Variants in SMC4 observed in about 807,000 individuals in gnomAD.
SMC4 encodes structural maintenance of chromosomes protein 4.
In SMC4, 87 loss-of-function variants were observed where a neutral mutation model predicts 145.6. The observed-to-expected ratio is 0.60, with a 90% CI of 0.50 to 0.71. The LOEUF (loss-of-function observed/expected upper bound fraction) is 0.71, where lower values mean the gene tolerates loss of function less well. Ranked by LOEUF, SMC4 falls within the 30% of genes least tolerant of loss-of-function variation. The pLI is 0.00. For missense variants in SMC4, 1,447 were observed against 1,537.1 expected, an observed-to-expected ratio of 0.94 and a Z score of 0.98; for synonymous variants, 558 against 500.7, an observed-to-expected ratio of 1.11 and a Z score of -1.53.
rs1177286980 is a variant in SMC4, at chr3:160,413,945, T to A, written c.1121+332T>A. ...ATTTGGGTTTTTCTAGATAGATTTT[T>A]AAGGGTTTTATCATGTCCCTACTTG... On this transcript the variant is annotated intron_variant, in intron 8 of 23. Coordinates refer to ENST00000357388, the MANE Select transcript of SMC4 (RefSeq NM_001002800.3). The A allele has an allele frequency of 9.9e-6, 3 of 303,910 alleles. No homozygotes were observed. The East Asian group carries it at 3.3e-4, about 33-fold the overall frequency. 18.8% of individuals were successfully genotyped at this position (303,910 alleles called of 1,614,324 possible). A position where few individuals can be genotyped will look rare whatever the true frequency, so the allele number is the denominator to read the frequency against.
rs763014255 is a variant in SMC4, at chr3:160,417,781, T to G, written c.1496T>G (p.Met499Arg). 8.4e-5 allele frequency: 135 copies of G among 1,613,406 alleles called. No homozygotes were observed. Among genetic ancestry groups the G allele is most frequent in the Non-Finnish European group, 1.0e-4 (122 of 1,179,828 alleles). The change falls in exon 11 of 24, where the codon ATG (methionine) becomes AGG (arginine). Residue 499 changes from methionine to arginine, a missense_variant. Met to Arg is a moderately conservative substitution (Grantham distance 91). Transcript: ENST00000357388. ...TCGGTAAATGAAGCACGTTCAAAGA[T>G]GGATGTAGCCCAGTCAGAACTTGAT... ...SKSVNEARSK[M>R]DVAQSELDIY...
In SMC4 at chr3:160,434,477, A is replaced by G. The variant is rs1678609366; in HGVS notation, c.*668A>G. 1 of 152,198 alleles carries G rather than the reference A, an allele frequency of 6.6e-6. No individual in the cohort carries two copies. The highest frequency in any genetic ancestry group is 6.5e-5 in the Admixed American group (1 of 15,280). The allele number at this position is 152,198 out of a possible 1,614,324, so 9.4% of individuals were successfully genotyped here. A position where few individuals can be genotyped will look rare whatever the true frequency, so the allele number is the denominator to read the frequency against. On this transcript the variant is annotated 3_prime_UTR_variant, in exon 24 of 24. Coordinates refer to ENST00000357388, the MANE Select transcript of SMC4 (RefSeq NM_001002800.3). ...ATGGCCTCTGATTTACACTGGTTCA[A>G]TTTACAAATTTTCAACTTTATGATA...
chr3:160,402,728 A>G lies in SMC4; in HGVS notation c.371A>G (p.Asp124Gly). 6.2e-7 allele frequency: 1 copy of G among 1,612,412 alleles called. No homozygotes were observed. The highest frequency in any genetic ancestry group is 8.5e-7 in the Non-Finnish European group (1 of 1,179,634). Residue 124 changes from aspartate (D) to glycine (G), a missense_variant, in exon 4 of 24, where the codon GAT becomes GGT. Physicochemically the swap from Asp to Gly is moderately conservative, Grantham distance 94. Transcript: ENST00000357388. Reference sequence around the variant, plus strand: ...GGCAGTGGCAAATCCAATGTTATTGATTCTATGCTTTTTGTGTTTGGCTAT... The same window carrying G: ...GGCAGTGGCAAATCCAATGTTATTGGTTCTATGCTTTTTGTGTTTGGCTAT... ...PNGSGKSNVI[D>G]SMLFVFGYRA...
At position 160,434,355 on chromosome 3, in the gene SMC4, A is replaced by T. The variant is rs1718752779; in HGVS notation, c.*546A>T. On this transcript the variant is annotated 3_prime_UTR_variant, in exon 24 of 24. Transcript: ENST00000357388. Reference sequence around the variant, plus strand: ...TTTGACCATTTATGACTTAATTACCAGAGAGCCAGTAAATTAGGACAGTGT... The same window carrying T: ...TTTGACCATTTATGACTTAATTACCTGAGAGCCAGTAAATTAGGACAGTGT... 1 of 152,288 alleles carries T rather than the reference A, an allele frequency of 6.6e-6. No homozygotes were observed. Among genetic ancestry groups the T allele is most frequent in the Admixed American group, 6.5e-5 (1 of 15,274 alleles). 9.4% of individuals were successfully genotyped at this position (152,288 alleles called of 1,614,324 possible).
chr3:160,426,612 T>C (rs1281911556), intron 17 of SMC4, among the ~76,000 whole-genome samples: 1 of 152,076 alleles, frequency 6.6e-6, no homozygotes, highest in African/African-American at 2.4e-5. Flanking sequence ...TATATATATG[T>C]ATTTTTTTTC....
At position 160,402,672 on chromosome 3, in the gene SMC4, G is replaced by A. The variant is rs1431764995; in HGVS notation, c.319-4G>A. The A allele has an allele frequency of 1.3e-6, 2 of 1,597,660 alleles. No homozygotes were observed. The highest frequency in any genetic ancestry group is 1.7e-6 in the Non-Finnish European group (2 of 1,175,900). ...CGTGTTTTGTTTTTGTTTTTTTAAT[G>A]CAGCGCTTTTCCTGTATTATCGGGC... On this transcript the variant is annotated splice_region_variant and splice_polypyrimidine_tract_variant and intron_variant, in intron 3 of 23. Transcript: ENST00000357388.
At position 160,410,140 on chromosome 3, in the gene SMC4, G is replaced by C. The variant is rs192449219; in HGVS notation, c.688-1780G>C. The stretch of plus-strand genomic sequence containing the variant: ...CTAGATCAGTAGTTCTCAGCTGACA[G>C]TAATTCTGCCCCTTTTCCCATAGGA... On this transcript the variant is annotated intron_variant, in intron 5 of 23. Transcript: ENST00000357388. 2.0e-5 allele frequency among the ~76,000 whole-genome samples: 3 copies of C among 152,298 alleles called. No homozygotes were observed. In the South Asian group the frequency reaches 6.2e-4, roughly 32 times the overall value.
chr3:160,401,332 A>G (rs979242261), intron 2 of SMC4, among the ~76,000 whole-genome samples: 1 of 152,124 alleles, frequency 6.6e-6, no homozygotes, highest in Admixed American at 6.5e-5. Context: ...CAATATGACT[A>G]TGTGAGCATG....
At chr3:160,427,276 G>C (rs1010950326) in intron 17 of SMC4, among the ~76,000 whole-genome samples, 5 of 152,220 alleles carry the variant, frequency 3.3e-5, no homozygotes, top group African/African-American at 1.2e-4. Context: ...CCCAAAGAAA[G>C]TATGAGTGCT....
intron 12 of SMC4, among the ~76,000 whole-genome samples, chr3:160,419,915 G>A (rs996394107): frequency 6.6e-6 from 1 of 151,804 alleles, no homozygotes; most frequent in African/African-American, 2.4e-5. Context: ...GTCCATCCTG[G>A]GCAATATAGC....
intron 23 of SMC4, 39 bp downstream of exon 23, chr3:160,433,248 T>C: frequency 7.0e-7 from 1 of 1,430,008 alleles, no homozygotes; most frequent in Middle Eastern, 1.8e-4. Context: ...CAGAAACTTT[T>C]AGGGGTATCC....
At chr3:160,432,261 C>T in intron 21 of SMC4, 22 bp from the exon 22 acceptor site, 2 of 1,455,550 alleles carry the variant, frequency 1.4e-6, no homozygotes, top group Non-Finnish European at 1.9e-6. Flanking sequence ...AATAGATTTT[C>T]CCTATCATAA....
chr3:160,401,544 C>CT (rs1714657267), intron 2 of SMC4, among the ~76,000 whole-genome samples: 1 of 152,132 alleles, frequency 6.6e-6, no homozygotes, highest in South Asian at 2.1e-4. Flanking sequence ...AGAATTGCAT[C>CT]TAGAGCCTTA....
chr3:160,417,960 A>G lies in SMC4; in HGVS notation c.1671+4A>G. 6.2e-7 allele frequency: 1 copy of G among 1,602,742 alleles called. No individual in the cohort carries two copies. Among genetic ancestry groups the G allele is most frequent in the Non-Finnish European group, 8.5e-7 (1 of 1,172,620 alleles). ...AACTGAACAAGAATTAAAGGAGGTAAATCTTTGCTTCTCTGTTGCATCAGA... is the reference window on the plus strand; with the variant it reads ...AACTGAACAAGAATTAAAGGAGGTAGATCTTTGCTTCTCTGTTGCATCAGA... On this transcript the variant is annotated splice_donor_region_variant and intron_variant, in intron 11 of 23. Transcript: ENST00000357388.
At position 160,432,295 on chromosome 3, in the gene SMC4, T is replaced by C. The variant is rs747403442; in HGVS notation, c.3310T>C (p.Leu1104=). 1.9e-6 allele frequency: 3 copies of C among 1,600,792 alleles called. No homozygotes were observed. In the South Asian group the frequency reaches 3.4e-5, roughly 18 times the overall value. ...AATCTTTTCACAGGAAGAATTGTATTTGCAACGGGTAGCAGAATTGGACAA... is the reference window on the plus strand; with the variant it reads ...AATCTTTTCACAGGAAGAATTGTATCTGCAACGGGTAGCAGAATTGGACAA... The part of the protein sequence containing the change: ...AEYKKKEELY[L]QRVAELDKIT... The change falls in exon 22 of 24, where the codon TTG becomes CTG. Residue 1104 remains leucine (L), a synonymous_variant. Coordinates refer to ENST00000357388, the MANE Select transcript of SMC4 (RefSeq NM_001002800.3).
At chr3:160,424,816 T>G (rs191029291) in intron 15 of SMC4, 51 bp from the exon 16 acceptor site, 33 of 1,604,486 alleles carry the variant, frequency 2.1e-5, no homozygotes, top group Non-Finnish European at 2.7e-5. Flanking sequence ...TCTTCGTAAG[T>G]TGACTTTTCT....
intron 17 of SMC4, among the ~76,000 whole-genome samples, chr3:160,428,013 A>C (rs1717987655): frequency 1.3e-5 from 2 of 152,206 alleles, no homozygotes; most frequent in Non-Finnish European, 2.9e-5. Flanking sequence ...TGGTAAGCTG[A>C]ACCACGAGAA....
At chr3:160,411,878 T>C in intron 5 of SMC4, 42 bp from the exon 6 acceptor site, 2 of 1,544,490 alleles carry the variant, frequency 1.3e-6, no homozygotes, top group East Asian at 4.5e-5. Context: ...TTGATTTAGC[T>C]AAACATACAC....
Position 160,423,551 on chromosome 3 carries a change from T to C in SMC4, c.2146T>C (p.Leu716=). ...QAFYFALRDT[L]VADNLDQATR... ...TTTTTATTTTGCTTTACGAGATACC[T>C]TAGTAGCTGACAACTTGGATCAAGC... The change falls in exon 14 of 24, where the codon TTA becomes CTA. Residue 716 remains leucine (L), a synonymous_variant. Coordinates refer to ENST00000357388, the MANE Select transcript of SMC4 (RefSeq NM_001002800.3). 6.2e-7 allele frequency: 1 copy of C among 1,613,998 alleles called. No homozygotes were observed. The highest frequency in any genetic ancestry group is 2.2e-5 in the East Asian group (1 of 44,860).
Sources: allele counts gnomAD v4.1 joint callset (sites outside exome capture counted in the v4.1 genomes callset), GRCh38; gene constraint gnomAD v4.1.1; transcripts MANE v1.5; gene names NCBI Gene and HGNC (gene_info 2026-07-23, HGNC 2026-07-21).